Variants in PDE1A observed in about 807,000 individuals in gnomAD.
The protein encoded by PDE1A is phosphodiesterase 1A, also known as dual specificity calcium/calmodulin-dependent 3',5'-cyclic nucleotide phosphodiesterase 1A.
PDE1A carries 35 observed loss-of-function variants against 61.7 expected under a neutral mutation model. The ratio of observed to expected loss-of-function variants is 0.57; its 90% CI spans 0.43 to 0.75. The LOEUF (loss-of-function observed/expected upper bound fraction) is 0.75. Among genes scored for constraint, PDE1A ranks in the 30% least tolerant of loss-of-function variants. PDE1A has a pLI of 0.00. For missense variants in PDE1A, 597 were observed against 630.6 expected, an observed-to-expected ratio of 0.95 and a Z score of 0.57; for synonymous variants, 232 against 213.2, an observed-to-expected ratio of 1.09 and a Z score of -0.77.
At chr2:182,228,559 T>C (rs1047041493) in intron 6 of PDE1A, among the ~76,000 whole-genome samples, 2 of 152,172 alleles carry the variant, frequency 1.3e-5, no homozygotes, top group Admixed American at 6.6e-5. Context: ...AACCAACACA[T>C]TCATATACAT....
Position 182,342,465 on chromosome 2 carries a change from C to T in PDE1A, c.54-78051G>A, listed in dbSNP as rs573557465. ...TTGGGAGGCAAAGGAGGGAGGATCA[C>T]GAGGTCAGGAGATGGAGACCATCCT... On this transcript the variant is annotated intron_variant, in intron 1 of 13. Coordinates refer to ENST00000351439, the Ensembl canonical transcript of PDE1A. Among the ~76,000 whole-genome samples, 30 of 152,246 alleles carry T rather than the reference C, an allele frequency of 2.0e-4. 1 individual carries two copies. In the South Asian group the frequency reaches 4.3e-3, roughly 22 times the overall value.
chr2:182,410,205 AT>A (rs978962489), intron 1 of PDE1A, among the ~76,000 whole-genome samples: 6 of 148,210 alleles, frequency 4.0e-5, no homozygotes, highest in East Asian at 1.9e-4. Context: ...AAAAAGAAAA[AT>A]TTTTTTTTTA....
chr2:182,223,290 T>G (rs2125606650), intron 7 of PDE1A, among the ~76,000 whole-genome samples: 1 of 152,042 alleles, frequency 6.6e-6, no homozygotes, highest in East Asian at 1.9e-4. Context: ...AAAAATAAAT[T>G]CATGTTGTTT....
At chr2:182,594,872 T>G in the PDE1A span, among the ~76,000 whole-genome samples, 1 of 152,320 alleles carries the variant, frequency 6.6e-6, no homozygotes, top group Admixed American at 6.5e-5. Flanking sequence ...ATGCTCCTTA[T>G]TAGTTTCTGG....
chr2:182,602,171 CA>C, the PDE1A span, among the ~76,000 whole-genome samples: 1 of 152,364 alleles, frequency 6.6e-6, no homozygotes, highest in Admixed American at 6.5e-5. Flanking sequence ...CCTATGAAGG[CA>C]GGGGGGCCTT....
At chr2:182,681,326 G>GAA in the PDE1A span, among the ~76,000 whole-genome samples, 1 of 151,418 alleles carries the variant, frequency 6.6e-6, no homozygotes, top group Non-Finnish European at 1.5e-5. Context: ...TTATTTTAGA[G>GAA]AGAGAGAGTC....
chr2:182,290,131 T>G (rs1235171028), intron 1 of PDE1A, among the ~76,000 whole-genome samples: 1 of 152,146 alleles, frequency 6.6e-6, no homozygotes, highest in East Asian at 1.9e-4. Context: ...TAAAGCAATA[T>G]GCTCAGTGAT....
intron 13 of PDE1A, among the ~76,000 whole-genome samples, chr2:182,184,798 A>T (rs1685070573): frequency 1.3e-5 from 2 of 152,152 alleles, no homozygotes; most frequent in African/African-American, 4.8e-5. Context: ...TCACAGCCAC[A>T]CTAAATTTAT....
At chr2:182,223,939 A>G in exon 7 of PDE1A, 2 of 1,605,672 alleles carry the variant, frequency 1.2e-6, no homozygotes, top group Non-Finnish European at 1.7e-6. Flanking sequence ...GACCATTGCT[A>G]AAATTTCCAG....
At chr2:182,582,720 G>A in the PDE1A span, among the ~76,000 whole-genome samples, 9 of 152,210 alleles carry the variant, frequency 5.9e-5, no homozygotes, top group Non-Finnish European at 1.0e-4. Context: ...GAAAGCTTGA[G>A]TTGAGATCAA....
intron 6 of PDE1A, among the ~76,000 whole-genome samples, chr2:182,229,025 T>A (rs1321092998): frequency 6.6e-6 from 1 of 152,170 alleles, no homozygotes; most frequent in Non-Finnish European, 1.5e-5. Flanking sequence ...TTTGGTCCCA[T>A]AACAGTCTTC....
At chr2:182,511,115 C>A (rs947763210) in intron 2 of PDE1A, among the ~76,000 whole-genome samples, 4 of 151,786 alleles carry the variant, frequency 2.6e-5, no homozygotes, top group Non-Finnish European at 2.9e-5. Flanking sequence ...CTCTCAACAC[C>A]GATGAGATAC....
At chr2:182,671,936 C>T in the PDE1A span, among the ~76,000 whole-genome samples, 1 of 151,974 alleles carries the variant, frequency 6.6e-6, no homozygotes, top group East Asian at 1.9e-4. Flanking sequence ...TCTAAAATGC[C>T]CTCTCCTTTC....
chr2:182,241,420 G>T (rs575457416), intron 2 of PDE1A, among the ~76,000 whole-genome samples: 1 of 152,304 alleles, frequency 6.6e-6, no homozygotes, highest in African/African-American at 2.4e-5. Flanking sequence ...AATGTTGGAA[G>T]GTGGCCAGAG....
the PDE1A span, among the ~76,000 whole-genome samples, chr2:182,636,907 G>C: frequency 6.6e-5 from 10 of 152,176 alleles, no homozygotes; most frequent in Admixed American, 6.5e-4. Flanking sequence ...TGCTCCTAGA[G>C]GCTGTGCACA....
chr2:182,311,125 T>C (rs78294685), intron 1 of PDE1A, among the ~76,000 whole-genome samples: 1 of 152,222 alleles, frequency 6.6e-6, no homozygotes, highest in East Asian at 1.9e-4. Context: ...AACATTCCTC[T>C]GTTAAGCCAC....
At chr2:182,241,677 G>T in intron 2 of PDE1A, 1 of 560,652 alleles carries the variant, frequency 1.8e-6, no homozygotes, top group Non-Finnish European at 2.9e-6. Context: ...TATTAAATAA[G>T]CATGAATGTA....
chr2:182,674,226 T>C, the PDE1A span, among the ~76,000 whole-genome samples: 1 of 152,046 alleles, frequency 6.6e-6, no homozygotes, highest in Non-Finnish European at 1.5e-5. Context: ...TAAACCACTA[T>C]GTGACCCAAC....
chr2:182,594,642 A>G, the PDE1A span, among the ~76,000 whole-genome samples: 1 of 152,264 alleles, frequency 6.6e-6, no homozygotes, highest in African/African-American at 2.4e-5. Context: ...ATAATTTATA[A>G]AAGATACTGG....
Sources: gnomAD v4.1 joint callset for allele counts (sites outside exome capture counted in the v4.1 genomes callset) on GRCh38, gnomAD v4.1.1 for gene constraint, MANE v1.5 for transcripts, NCBI Gene and HGNC (gene_info 2026-07-23, HGNC 2026-07-21) for gene names.